Variants in WDR35 observed in about 807,000 individuals in gnomAD.
The protein encoded by WDR35 is WD repeat-containing protein 35.
WDR35 carries 118 observed loss-of-function variants against 158.3 expected under a neutral mutation model. The observed-to-expected ratio is 0.75, with a 90% CI of 0.64 to 0.87. WDR35 has a LOEUF of 0.87. Ranked by LOEUF, WDR35 falls within the 40% of genes least tolerant of loss-of-function variation. The probability of loss-of-function intolerance (pLI) is 0.00; values close to 1 mark genes in which losing one functional copy is unlikely to be tolerated. For synonymous variants in WDR35, 448 were observed against 476.1 expected (o/e 0.94, Z 0.77); for missense variants, 1,263 against 1,405.8 (o/e 0.90, Z 1.62).
Position 19,978,790 on chromosome 2 carries a change from C to T in WDR35, c.397G>A (p.Val133Ile). 1 of 1,613,892 alleles carries T rather than the reference C, an allele frequency of 6.2e-7. No homozygotes were observed. Among genetic ancestry groups the T allele is most frequent in the Non-Finnish European group, 8.5e-7 (1 of 1,179,850 alleles). Reference protein sequence around the residue: ...WNADGQKICIVYEDGAVIVGS... With the variant: ...WNADGQKICIIYEDGAVIVGS... ...ACTATCACAGCCCCATCTTCATATA[C>T]AATGCAGATCTTCTGTCCGTCAGCA... The change falls in exon 5 of 27, where the codon GTA (valine) becomes ATA (isoleucine). Residue 133 changes from valine (V) to isoleucine (I), a missense_variant. Transcript: ENST00000281405.
At chr2:19,959,543 T>C (rs934255433) in intron 11 of WDR35, among the ~76,000 whole-genome samples, 13 of 151,980 alleles carry the variant, frequency 8.6e-5, no homozygotes, top group African/African-American at 3.1e-4. Context: ...ATGTAAGACA[T>C]GAAGTTGAAA....
At chr2:19,919,676 T>A (rs919462365) in intron 25 of WDR35, among the ~76,000 whole-genome samples, 2 of 151,956 alleles carry the variant, frequency 1.3e-5, no homozygotes, top group African/African-American at 4.8e-5. Flanking sequence ...TTAAAAGAAC[T>A]AGAGAAGCAA....
chr2:19,966,730 A>G lies in WDR35; in HGVS notation c.1188T>C (p.His396=). The G allele has an allele frequency of 6.2e-7, 1 of 1,613,782 alleles. No individual in the cohort carries two copies. The highest frequency in any genetic ancestry group is 1.1e-5 in the South Asian group (1 of 91,058). ...CILATKADEN[H]PQFVLVLCNS... is the part of the protein sequence containing the mutation. ...GATATCAAGAAACACCTACCTGAGG[A>G]TGATTTTCATCAGCTTTTGTAGCCA... Residue 396 remains histidine, a synonymous_variant, in exon 10 of 27, where the codon CAT becomes CAC. Transcript: ENST00000281405.
intron 11 of WDR35, among the ~76,000 whole-genome samples, chr2:19,956,185 C>T (rs1671425409): frequency 6.6e-6 from 1 of 152,108 alleles, no homozygotes; most frequent in African/African-American, 2.4e-5. Flanking sequence ...CTATTATGCC[C>T]TTAGTGTAAT....
Position 19,974,587 on chromosome 2 carries a change from C to CTGA in WDR35, c.614_616dup (p.Ile205dup). 6.2e-7 allele frequency: 1 copy of CTGA among 1,613,670 alleles called. No homozygotes were observed. The highest frequency in any genetic ancestry group is 8.5e-7 in the Non-Finnish European group (1 of 1,179,826). On this transcript the variant is annotated inframe_insertion, in exon 7 of 27. Coordinates refer to ENST00000281405, the MANE Select transcript of WDR35 (RefSeq NM_020779.4). ...ATGGTACCAATGAATTCCAGCAATGCTGATAGCTCCAGTGACATTCACCAA... is the reference window on the plus strand; with the variant it reads ...ATGGTACCAATGAATTCCAGCAATGCTGATGATAGCTCCAGTGACATTCACCAA...
chr2:19,945,920 G>A lies in WDR35; in HGVS notation c.1711C>T (p.Gln571Ter). 4.3e-6 allele frequency: 7 copies of A among 1,613,904 alleles called. No individual in the cohort carries two copies. The highest frequency in any genetic ancestry group is 5.9e-6 in the Non-Finnish European group (7 of 1,179,880). The change falls in exon 16 of 27, where the codon CAG (glutamine) becomes TAG (stop). Residue 571 changes from glutamine (Q) to a stop codon, truncating the protein, a stop_gained. Transcript: ENST00000281405. LOFTEE classifies it high-confidence loss of function. ...LDARVTDSTG[Q>*]QVVGELLKLE... ...TTTAACAACTCTCCAACTACTTGCT[G>A]TCCCGTACTGTCCGTTACTCGAGCA...
intron 10 of WDR35, among the ~76,000 whole-genome samples, chr2:19,966,428 G>C (rs1172067088): frequency 6.6e-6 from 1 of 152,038 alleles, no homozygotes; most frequent in Admixed American, 6.6e-5. Flanking sequence ...TTTTGCTCAT[G>C]AAATTTTAAT....
chr2:19,959,475 T>G (rs1278401152), intron 11 of WDR35, among the ~76,000 whole-genome samples: 5 of 152,036 alleles, frequency 3.3e-5, no homozygotes, highest in African/African-American at 1.2e-4. Flanking sequence ...TGTGTATATA[T>G]ATGTGTATAT....
In WDR35 at chr2:19,969,512, T is replaced by C. The variant is rs1438742194; in HGVS notation, c.976A>G (p.Ile326Val). The change falls in exon 9 of 27, where the codon ATA becomes GTA. Residue 326 changes from isoleucine (I) to valine (V), a missense_variant. Transcript: ENST00000281405. ...LKIALAVDSFIYFANIRPNYK... is the reference protein window; with the variant it reads ...LKIALAVDSFVYFANIRPNYK... ...TTAGGTCGAATGTTTGCAAAATATA[T>C]AAAGGAATCAACAGCTAGTGCAATT... 5 of 1,613,440 alleles carry C rather than the reference T, an allele frequency of 3.1e-6. No individual in the cohort carries two copies. The highest frequency in any genetic ancestry group is 4.2e-6 in the Non-Finnish European group (5 of 1,179,644).
chr2:19,958,670 G>A (rs1379535160), intron 11 of WDR35, among the ~76,000 whole-genome samples: 1 of 152,192 alleles, frequency 6.6e-6, no homozygotes, highest in Non-Finnish European at 1.5e-5. Context: ...GTTAGGTCAT[G>A]GGGATACAGA....
At position 19,913,438 on chromosome 2, in the gene WDR35, A is replaced by C. The variant is rs1053375905; in HGVS notation, c.*120T>G. ...ATATATTTTGTGCAAAAATTCAACTATAAATAATGAGGCTGATTTTCATAC... is the reference window on the plus strand; with the variant it reads ...ATATATTTTGTGCAAAAATTCAACTCTAAATAATGAGGCTGATTTTCATAC... On this transcript the variant is annotated 3_prime_UTR_variant, in exon 27 of 27. Coordinates refer to ENST00000281405, the MANE Select transcript of WDR35 (RefSeq NM_020779.4). 15 of 1,335,880 alleles carry C rather than the reference A, an allele frequency of 1.1e-5. No homozygotes were observed. The highest frequency in any genetic ancestry group is 2.9e-5 in the African/African-American group (2 of 68,206). The allele number at this position is 1,335,880 out of a possible 1,614,324, so 82.8% of individuals were successfully genotyped here.
chr2:19,973,046 G>A (rs1256214657), intron 8 of WDR35, among the ~76,000 whole-genome samples: 1 of 151,926 alleles, frequency 6.6e-6, no homozygotes, highest in Non-Finnish European at 1.5e-5. Flanking sequence ...TGAAAACAAT[G>A]CTTTTATTTT....
At position 19,934,024 on chromosome 2, in the gene WDR35, AACCACCACCACCACC is replaced by A. The variant is rs57759587; in HGVS notation, c.2548-528_2548-514del. Among the ~76,000 whole-genome samples the A allele has an allele frequency of 5.0e-4, 53 of 105,094 alleles. No homozygotes were observed. The highest frequency in any genetic ancestry group is 3.3e-3 in the East Asian group (12 of 3,682). The allele number at this position is 105,094 out of a possible 152,430, so 68.9% of individuals were successfully genotyped here. A position where few individuals can be genotyped will look rare whatever the true frequency, so the allele number is the denominator to read the frequency against. On this transcript the variant is annotated intron_variant, in intron 21 of 26. Coordinates refer to ENST00000281405, the MANE Select transcript of WDR35 (RefSeq NM_020779.4). The surrounding 1 kb of genome is among the most constrained non-coding windows in gnomAD (Gnocchi z 4.6). ...TTGGAAAGTGGTGGCAGCGAGGAAG[AACCACCACCACCACC>A]ACCACCACCACCACCACCACCACCA...
In WDR35 at chr2:19,978,894, T is replaced by G; in HGVS notation, c.308-15A>C. The G allele has an allele frequency of 6.2e-7, 1 of 1,613,176 alleles. No homozygotes were observed. Among genetic ancestry groups the G allele is most frequent in the Non-Finnish European group, 8.5e-7 (1 of 1,179,616 alleles). ...AATCCAAGAGCCTGTTTTCACAAAT[T>G]TAAAAAATTACAAGTCAAAACTTTC... On this transcript the variant is annotated splice_polypyrimidine_tract_variant and intron_variant, in intron 4 of 26. Transcript: ENST00000281405.
In WDR35 at chr2:19,969,624, T is replaced by C; in HGVS notation, c.883-19A>G. 6.2e-7 allele frequency: 1 copy of C among 1,611,846 alleles called. No individual in the cohort carries two copies. The highest frequency in any genetic ancestry group is 8.5e-7 in the Non-Finnish European group (1 of 1,178,938). On this transcript the variant is annotated intron_variant, in intron 8 of 26. Coordinates refer to ENST00000281405, the MANE Select transcript of WDR35 (RefSeq NM_020779.4). Reference sequence around the variant, plus strand: ...CCAGATGCTGAAAAAGAAAGTTATCTTTAACCTAAAGTATAACAATTAACT... The same window carrying C: ...CCAGATGCTGAAAAAGAAAGTTATCCTTAACCTAAAGTATAACAATTAACT...
chr2:19,979,415 C>G (rs1672314023), intron 4 of WDR35, among the ~76,000 whole-genome samples: 1 of 152,050 alleles, frequency 6.6e-6, no homozygotes, highest in African/African-American at 2.4e-5. Flanking sequence ...AAACCCTAAG[C>G]CTGCTTGAAA....
At chr2:19,946,411 C>A (rs764842430) in intron 15 of WDR35, 50 bp downstream of exon 15, 36 of 1,440,144 alleles carry the variant, frequency 2.5e-5, no homozygotes, top group Non-Finnish European at 3.4e-5. Flanking sequence ...ACAATCCCAA[C>A]TGATCATTTC....
At chr2:19,932,609 T>A (rs932704797) in intron 22 of WDR35, among the ~76,000 whole-genome samples, 162 bp from the exon 23 acceptor site, 1 of 152,188 alleles carries the variant, frequency 6.6e-6, no homozygotes, top group African/African-American at 2.4e-5. Flanking sequence ...ACATAAGTCC[T>A]ATAAGCATAA....
chr2:19,919,380 C>CAAAAAAAAAAAAAAAAAAAAAA (rs1302042752), intron 25 of WDR35, among the ~76,000 whole-genome samples: 17 of 48,182 alleles, frequency 3.5e-4, no homozygotes, highest in East Asian at 1.7e-3. Flanking sequence ...GGCTCCATCT[C>CAAAAAAAAAAAAAAAAAAAAAA]AAAAAAAAAA....
Sources: gnomAD v4.1 joint callset for allele counts (sites outside exome capture counted in the v4.1 genomes callset) on GRCh38, gnomAD v4.1.1 for gene constraint, Gnocchi (gnomAD v3.1) non-coding constraint, MANE v1.5 for transcripts, NCBI Gene and HGNC (gene_info 2026-07-23, HGNC 2026-07-21) for gene names.